The following RMND1 variants were observed in gnomAD, a reference collection of about 807,000 sequenced individuals.
The protein encoded by RMND1 is required for meiotic nuclear division 1 homolog.
Under a neutral mutation model 54.0 loss-of-function variants are expected in RMND1, and 41 were observed. The observed-to-expected ratio is 0.76, with a 90% CI of 0.59 to 0.98. RMND1 has a LOEUF of 0.98. Among genes scored for constraint, RMND1 ranks in the 50% least tolerant of loss-of-function variants. The pLI is 0.00. For synonymous variants in RMND1, 183 were observed against 181.7 expected, an observed-to-expected ratio of 1.01 and a Z score of -0.06; for missense variants, 457 against 532.0, an observed-to-expected ratio of 0.86 and a Z score of 1.39.
At chr6:151,416,756 G>A (rs1280123439) in intron 10 of RMND1, 2 of 152,212 alleles carry the variant, frequency 1.3e-5, no homozygotes, top group Non-Finnish European at 2.9e-5. Context: ...CCTGCATGAC[G>A]GAGCTAATTG....
intron 10 of RMND1, among the ~76,000 whole-genome samples, chr6:151,410,028 G>A (rs1246822846): frequency 6.6e-6 from 1 of 150,520 alleles, no homozygotes; most frequent in Non-Finnish European, 1.5e-5. Flanking sequence ...TTTTGAGGGG[G>A]AATAAAAAAC....
intron 2 of RMND1, among the ~76,000 whole-genome samples, chr6:151,437,915 CAAAAT>C (rs1384358668): frequency 1.3e-5 from 2 of 152,078 alleles, no homozygotes; most frequent in Non-Finnish European, 2.9e-5. Flanking sequence ...TACTCATAAA[CAAAAT>C]GAGACTAATC....
intron 2 of RMND1, among the ~76,000 whole-genome samples, chr6:151,438,819 A>G (rs563197262): frequency 6.6e-6 from 1 of 150,802 alleles, no homozygotes; most frequent in Non-Finnish European, 1.5e-5. Flanking sequence ...TCCAAAAAAA[A>G]CCCAAAAACC....
At chr6:151,418,072 C>G (rs565904072) in intron 9 of RMND1, among the ~76,000 whole-genome samples, 2 of 152,044 alleles carry the variant, frequency 1.3e-5, no homozygotes. Context: ...TCCCAAAGTG[C>G]TGGGATTACA....
intron 3 of RMND1, 23 bp downstream of exon 3, chr6:151,436,423 G>A (rs749720001): frequency 6.2e-7 from 1 of 1,612,900 alleles, no homozygotes; most frequent in Non-Finnish European, 8.5e-7. Context: ...AACATACTTG[G>A]CCCCAGGTTC....
At chr6:151,441,465 G>A (rs1275277256) in intron 2 of RMND1, among the ~76,000 whole-genome samples, 3 of 152,090 alleles carry the variant, frequency 2.0e-5, no homozygotes, top group Admixed American at 6.5e-5. Context: ...TTTTAATGAG[G>A]TGACTCTCAG....
At chr6:151,449,054 C>G (rs1781047126) in intron 1 of RMND1, among the ~76,000 whole-genome samples, 3 of 90,796 alleles carry the variant, frequency 3.3e-5, no homozygotes, top group African/African-American at 1.1e-4. Flanking sequence ...AAGCGAGACT[C>G]TGTCTCAAAA....
intron 9 of RMND1, among the ~76,000 whole-genome samples, chr6:151,418,184 C>T (rs536915672): frequency 3.5e-4 from 53 of 152,126 alleles, no homozygotes; most frequent in African/African-American, 1.2e-3. Context: ...AAGGCCAAGG[C>T]GGGCAGATTG....
chr6:151,408,940 G>A (rs1467267224), intron 10 of RMND1: 2 of 152,266 alleles, frequency 1.3e-5, no homozygotes. Flanking sequence ...TTAAGCAGCA[G>A]TAGGAAAGTA....
intron 2 of RMND1, among the ~76,000 whole-genome samples, chr6:151,442,522 CTAT>C (rs1213259930): frequency 4.6e-5 from 7 of 152,084 alleles, no homozygotes; most frequent in Non-Finnish European, 8.8e-5. Flanking sequence ...AGAAGCACTG[CTAT>C]TATTGTTTTC....
At chr6:151,426,496 C>A (rs892442731) in intron 6 of RMND1, among the ~76,000 whole-genome samples, 6 of 152,070 alleles carry the variant, frequency 3.9e-5, no homozygotes, top group Non-Finnish European at 5.9e-5. Context: ...CTTAGATTGA[C>A]CCCTCACTAT....
At chr6:151,431,842 G>A (rs1200798565) in intron 4 of RMND1, among the ~76,000 whole-genome samples, 1 of 151,808 alleles carries the variant, frequency 6.6e-6, no homozygotes, top group Non-Finnish European at 1.5e-5. Context: ...TATTTGTGTT[G>A]TTCAAAATTA....
chr6:151,424,412 G>A (rs563664180), intron 6 of RMND1, among the ~76,000 whole-genome samples: 14 of 149,312 alleles, frequency 9.4e-5, no homozygotes, highest in Non-Finnish European at 1.6e-4. Context: ...GCAGTAAGCC[G>A]AAATCACGCC....
At position 151,412,831 on chromosome 6, in the gene RMND1, A is replaced by G. The variant is rs542465538; in HGVS notation, c.1200+4448T>C. Among the ~76,000 whole-genome samples, 9 of 152,286 alleles carry G rather than the reference A, an allele frequency of 5.9e-5. 1 individual carries two copies. Among genetic ancestry groups the G allele is most frequent in the African/African-American group, 1.7e-4 (7 of 41,554 alleles). On this transcript the variant is annotated intron_variant, in intron 10 of 11. Transcript: ENST00000444024. The stretch of plus-strand genomic sequence containing the variant: ...CTACACACTTTTAAACAACCTCACG[A>G]GAACTCACTGTCACAAGAACAGCAC...
chr6:151,417,231 T>C (rs1780031049), intron 10 of RMND1, 48 bp downstream of exon 10: 4 of 1,568,670 alleles, frequency 2.5e-6, no homozygotes, highest in African/African-American at 1.4e-5. Flanking sequence ...ATTCAACTTA[T>C]AGGCGACAAC....
At position 151,423,599 on chromosome 6, in the gene RMND1, T is replaced by G. The variant is rs1226448400; in HGVS notation, c.863A>C (p.Lys288Thr). The G allele has an allele frequency of 1.9e-6, 3 of 1,613,958 alleles. No homozygotes were observed. Among genetic ancestry groups the G allele is most frequent in the Non-Finnish European group, 2.5e-6 (3 of 1,179,866 alleles). Residue 288 changes from lysine to threonine, a missense_variant, in exon 7 of 12, where the codon AAG (lysine) becomes ACG (threonine). Lys to Thr is a moderately conservative substitution (Grantham distance 78, BLOSUM62 -1). Coordinates refer to ENST00000444024, the MANE Select transcript of RMND1 (RefSeq NM_017909.4). ...GQSKLHRGEI[K>T]LNSELDLDDA... ...ATCTAAATCCAGCTCTGAATTTAACTTGATTTCCCCCCTGTGAAGTTTTGA... is the reference window on the plus strand; with the variant it reads ...ATCTAAATCCAGCTCTGAATTTAACGTGATTTCCCCCCTGTGAAGTTTTGA...
At chr6:151,424,951 CTT>C (rs1049763308) in intron 6 of RMND1, among the ~76,000 whole-genome samples, 1 of 151,186 alleles carries the variant, frequency 6.6e-6, no homozygotes, top group Non-Finnish European at 1.5e-5. Context: ...CACAAGAGGT[CTT>C]TTTTTTTGAG....
chr6:151,416,420 C>CTTTT (rs10557273), intron 10 of RMND1, among the ~76,000 whole-genome samples: 5 of 93,718 alleles, frequency 5.3e-5, no homozygotes, highest in African/African-American at 8.2e-5. Flanking sequence ...ATCACTACAG[C>CTTTT]TTTTTTTTTT....
chr6:151,450,736 A>G (rs1781145879), intron 1 of RMND1, among the ~76,000 whole-genome samples: 1 of 151,790 alleles, frequency 6.6e-6, no homozygotes, highest in African/African-American at 2.4e-5. Context: ...ACGGGATGAC[A>G]ATGGCGGTTT....
Sources: allele counts gnomAD v4.1 joint callset (sites outside exome capture counted in the v4.1 genomes callset), GRCh38; gene constraint gnomAD v4.1.1; transcripts MANE v1.5; gene names NCBI Gene and HGNC (gene_info 2026-07-23, HGNC 2026-07-21).